SERPINB9: variants seen among roughly 807,000 people sequenced by gnomAD.
The protein encoded by SERPINB9 is serpin B9.
SERPINB9 carries 20 observed loss-of-function variants against 27.2 expected under a neutral mutation model. That is an observed-to-expected ratio of 0.74 (90% CI 0.52 to 1.07). The LOEUF (loss-of-function observed/expected upper bound fraction) is 1.07, where lower values mean the gene tolerates loss of function less well. Ranked by LOEUF, SERPINB9 falls within the 50% of genes least tolerant of loss-of-function variation. SERPINB9 has a pLI of 0.00. For missense variants in SERPINB9, 476 were observed against 460.1 expected (o/e 1.03, Z -0.32); for synonymous variants, 189 against 180.0 (o/e 1.05, Z -0.40).
At position 2,901,956 on chromosome 6, in the gene SERPINB9, C is replaced by G. The variant is rs149594705; in HGVS notation, c.-11+1245G>C. Among the ~76,000 whole-genome samples the G allele has an allele frequency of 3.3e-3, 506 of 152,282 alleles. 3 individuals carry two copies. Among genetic ancestry groups the G allele is most frequent in the Non-Finnish European group, 5.9e-3 (404 of 68,020 alleles). ...CAGCCACCCCCACGCCACAGCCACA[C>G]GGCACCTCAGAAAGCGGTGTCTTAA... is the stretch of plus-strand genomic sequence containing the variant. On this transcript the variant is annotated intron_variant, in intron 1 of 6. Transcript: ENST00000380698.
Position 2,890,344 on chromosome 6 carries a change from T to C in SERPINB9, c.950A>G (p.Lys317Arg). 1 of 1,614,184 alleles carries C rather than the reference T, an allele frequency of 6.2e-7. No homozygotes were observed. Among genetic ancestry groups the C allele is most frequent in the Non-Finnish European group, 8.5e-7 (1 of 1,180,022 alleles). ...TTCTTCATTCACCTCCACAAAACTC[T>C]TGTGCACGAACTTGGACAGACACAG... Reference protein sequence around the residue: ...RDLCLSKFVHKSFVEVNEEGT... With the variant: ...RDLCLSKFVHRSFVEVNEEGT... Residue 317 changes from lysine to arginine, a missense_variant, in exon 7 of 7, where the codon AAG becomes AGG. By Grantham distance (26) the Lys-to-Arg change is conservative (BLOSUM62 2). Coordinates refer to ENST00000380698, the MANE Select transcript of SERPINB9 (RefSeq NM_004155.6). This position sits in a 1 kb window ranked among gnomAD's most constrained non-coding sequence, Gnocchi z 6.2.
chr6:2,890,281 A>T lies in SERPINB9; in HGVS notation c.1013T>A (p.Val338Asp). The T allele has an allele frequency of 6.2e-7, 1 of 1,614,232 alleles. No individual in the cohort carries two copies. The highest frequency in any genetic ancestry group is 8.5e-7 in the Non-Finnish European group (1 of 1,180,042). ...GCCAGATTCCATGCAGCACTCTGCA[A>T]CTACAAAGCAGCTCGACGCTGCCGC... ...EAAAASSCFV[V>D]AECCMESGPR... Residue 338 changes from valine (V) to aspartate (D), a missense_variant, in exon 7 of 7, where the codon GTT (valine) becomes GAT (aspartate). Coordinates refer to ENST00000380698, the MANE Select transcript of SERPINB9 (RefSeq NM_004155.6). This position sits in a 1 kb window ranked among gnomAD's most constrained non-coding sequence, Gnocchi z 6.2.
Position 2,889,450 on chromosome 6 carries a change from C to G in SERPINB9, c.*713G>C, listed in dbSNP as rs1022790584. 6.6e-6 allele frequency: 1 copy of G among 152,016 alleles called. No individual in the cohort carries two copies. Among genetic ancestry groups the G allele is most frequent in the Admixed American group, 6.6e-5 (1 of 15,254 alleles). 9.4% of individuals were successfully genotyped at this position (152,016 alleles called of 1,614,324 possible). A position where few individuals can be genotyped will look rare whatever the true frequency, so the allele number is the denominator to read the frequency against. On this transcript the variant is annotated 3_prime_UTR_variant, in exon 7 of 7. Transcript: ENST00000380698. ...GTGGCTCAAGCCTGTAATCCCAGCA[C>G]TTTGGGAGGCCGAGGCGGGTGGATC...
At chr6:2,899,151 G>C (rs1320775400) in intron 2 of SERPINB9, among the ~76,000 whole-genome samples, 1 of 152,014 alleles carries the variant, frequency 6.6e-6, no homozygotes, top group Non-Finnish European at 1.5e-5. Context: ...TCTCAAAAAA[G>C]CTTTCTATAA....
chr6:2,894,757 TG>T lies in SERPINB9; in HGVS notation c.424+633del, dbSNP rs1403515021. On this transcript the variant is annotated intron_variant, in intron 4 of 6. Coordinates refer to ENST00000380698, the MANE Select transcript of SERPINB9 (RefSeq NM_004155.6). This position sits in a 1 kb window ranked among gnomAD's most constrained non-coding sequence, Gnocchi z 4.7. The stretch of plus-strand genomic sequence containing the variant: ...CCTGGCCTGAGATTCTTTTGACATT[TG>T]TTTTTTTGTTTGTTTTTTGTTTTTG... 1.3e-5 allele frequency among the ~76,000 whole-genome samples: 2 copies of T among 152,196 alleles called. No individual in the cohort carries two copies. The highest frequency in any genetic ancestry group is 2.9e-5 in the Non-Finnish European group (2 of 68,028).
In SERPINB9 at chr6:2,888,043, C is replaced by T. The variant is rs958456736; in HGVS notation, c.*2120G>A. On this transcript the variant is annotated 3_prime_UTR_variant, in exon 7 of 7. Transcript: ENST00000380698. The stretch of plus-strand genomic sequence containing the variant: ...TACTCAGCATTATCTATCAAAGGGA[C>T]TGGATGTCCCATCTAGTTTGTACTT... 3 of 152,044 alleles carry T rather than the reference C, an allele frequency of 2.0e-5. No individual in the cohort carries two copies. The highest frequency in any genetic ancestry group is 2.1e-4 in the South Asian group (1 of 4,824). The allele number at this position is 152,044 out of a possible 1,614,324, so 9.4% of individuals were successfully genotyped here.
chr6:2,902,343 T>G (rs1768234020), intron 1 of SERPINB9, among the ~76,000 whole-genome samples: 2 of 151,840 alleles, frequency 1.3e-5, no homozygotes, highest in South Asian at 2.1e-4. Flanking sequence ...TTGCTGGTGG[T>G]CCCCACAGAC....
Position 2,890,198 on chromosome 6 carries a change from T to C in SERPINB9, c.1096A>G (p.Ser366Gly), listed in dbSNP as rs1271875968. Residue 366 changes from serine (S) to glycine (G), a missense_variant, in exon 7 of 7, where the codon AGC becomes GGC. By Grantham distance (56) the Ser-to-Gly change is moderately conservative (BLOSUM62 0). Transcript: ENST00000380698. The surrounding 1 kb of genome is among the most constrained non-coding windows in gnomAD (Gnocchi z 6.2). ...GAGAACCTGCCACAGAACAGAATGC[T>C]GTTGGCTCTGTTGTGCCTGATGAAG... ...LFFIRHNRAN[S>G]ILFCGRFSSP 5 of 1,614,196 alleles carry C rather than the reference T, an allele frequency of 3.1e-6. No homozygotes were observed. The highest frequency in any genetic ancestry group is 4.2e-6 in the Non-Finnish European group (5 of 1,180,032).
intron 5 of SERPINB9, among the ~76,000 whole-genome samples, chr6:2,892,458 T>C (rs943073425): frequency 6.6e-6 from 1 of 152,194 alleles, no homozygotes; most frequent in African/African-American, 2.4e-5. Context: ...GGATACACTC[T>C]CTCAGAAAGA....
In SERPINB9 at chr6:2,900,427, C is replaced by A. The variant is rs377325053; in HGVS notation, c.168+17G>T. The A allele has an allele frequency of 2.9e-5, 47 of 1,612,252 alleles. No homozygotes were observed. The highest frequency in any genetic ancestry group is 2.4e-4 in the African/African-American group (18 of 74,866). ...AGCCCAGGCCAGTCCCTGCTCCTGG[C>A]GGACGGGCAAGCTTACCTGGGCCAT... On this transcript the variant is annotated intron_variant, in intron 2 of 6. Transcript: ENST00000380698.
chr6:2,901,185 GAC>G (rs1367055003), intron 1 of SERPINB9, among the ~76,000 whole-genome samples: 3 of 152,146 alleles, frequency 2.0e-5, no homozygotes, highest in Non-Finnish European at 4.4e-5. Flanking sequence ...GTGCGTCCTG[GAC>G]AGCCGGGGTG....
intron 2 of SERPINB9, chr6:2,899,961 T>G: frequency 2.2e-6 from 1 of 454,200 alleles, no homozygotes; most frequent in Non-Finnish European, 4.4e-6. Flanking sequence ...ACCTGCACAG[T>G]GTGCAGCTGT....
Position 2,900,717 on chromosome 6 carries a change from T to C in SERPINB9, c.-10-96A>G, listed in dbSNP as rs545771897. Reference sequence around the variant, plus strand: ...GCAATTTTGGAATCGTACTTTTTGTTTTCTTCTTAAAGTTCGTAAGTATTT... The same window carrying C: ...GCAATTTTGGAATCGTACTTTTTGTCTTCTTCTTAAAGTTCGTAAGTATTT... On this transcript the variant is annotated intron_variant, in intron 1 of 6. Transcript: ENST00000380698. 8 of 1,139,124 alleles carry C rather than the reference T, an allele frequency of 7.0e-6. No individual in the cohort carries two copies. In the African/African-American group the frequency reaches 1.2e-4, roughly 18 times the overall value. The allele number at this position is 1,139,124 out of a possible 1,614,324, so 70.6% of individuals were successfully genotyped here. A position where few individuals can be genotyped will look rare whatever the true frequency, so the allele number is the denominator to read the frequency against.
rs5742054 is a variant in SERPINB9, at chr6:2,900,885, T to TCACACACACACACACA, written c.-10-280_-10-265dup. 7.7e-3 allele frequency among the ~76,000 whole-genome samples: 1,083 copies of TCACACACACACACACA among 141,540 alleles called. 14 individuals are homozygous for TCACACACACACACACA. Among genetic ancestry groups the TCACACACACACACACA allele is most frequent in the African/African-American group, 0.024 (849 of 35,830 alleles). The allele number at this position is 141,540 out of a possible 152,430, so 92.9% of individuals were successfully genotyped here. ...TGGCTCGCCTGCAGAGCTCGCTCTC[T>TCACACACACACACACA]CACACACACACACACACACACACAC... is the stretch of plus-strand genomic sequence containing the variant. On this transcript the variant is annotated intron_variant, in intron 1 of 6. Transcript: ENST00000380698.
intron 2 of SERPINB9, among the ~76,000 whole-genome samples, chr6:2,899,291 G>A (rs1768111208): frequency 6.6e-6 from 1 of 152,120 alleles, no homozygotes; most frequent in Non-Finnish European, 1.5e-5. Flanking sequence ...AGACAGGGAA[G>A]GCCATGAAGA....
chr6:2,893,453 A>C lies in SERPINB9; in HGVS notation c.525T>G (p.Phe175Leu), dbSNP rs1439647554. 6.2e-7 allele frequency: 1 copy of C among 1,613,390 alleles called. No individual in the cohort carries two copies. ...IYFKGKWNEP[F>L]DETYTREMPF... ...GCATTTCCCTTGTGTATGTTTCGTC[A>C]AACGGTTCATTCCACTTTCCTTTGA... The change falls in exon 5 of 7, where the codon TTT (phenylalanine) becomes TTG (leucine). Residue 175 changes from phenylalanine to leucine, a missense_variant. Transcript: ENST00000380698.
Position 2,900,493 on chromosome 6 carries a change from G to A in SERPINB9, c.119C>T (p.Ala40Val), listed in dbSNP as rs752625832. The change falls in exon 2 of 7, where the codon GCC (alanine) becomes GTC (valine). Residue 40 changes from alanine to valine, a missense_variant. Transcript: ENST00000380698. ...TCCCTTTGCCCCTAGGAGAACCATG[G>A]CCAGGGCAGAGGAGATGCTCACAGG... ...CSPVSISSAL[A>V]MVLLGAKGNT... 1 of 1,614,174 alleles carries A rather than the reference G, an allele frequency of 6.2e-7. No individual in the cohort carries two copies. The highest frequency in any genetic ancestry group is 1.1e-5 in the South Asian group (1 of 91,076).
intron 2 of SERPINB9, among the ~76,000 whole-genome samples, chr6:2,897,437 G>A (rs944847140): frequency 1.3e-5 from 2 of 152,172 alleles, no homozygotes; most frequent in African/African-American, 2.4e-5. Flanking sequence ...CTGCACTCCA[G>A]CCTGGGCAAC....
Position 2,892,105 on chromosome 6 carries a change from TAAAAAAAAAAAAAAAA to T in SERPINB9, c.568-133_568-118del, listed in dbSNP as rs535487251. 21 of 118,050 alleles carry T rather than the reference TAAAAAAAAAAAAAAAA, an allele frequency of 1.8e-4. 1 individual carries two copies. The highest frequency in any genetic ancestry group is 1.1e-3 in the African/African-American group (14 of 12,992). 7.3% of individuals were successfully genotyped at this position (118,050 alleles called of 1,614,324 possible). On this transcript the variant is annotated intron_variant, in intron 5 of 6. Transcript: ENST00000380698. Reference sequence around the variant, plus strand: ...GCCACATTCATGCCCCAGTTAACACTAAAAAAAAAAAAAAAAAAAAAAAAAAAAAAAGTCAACCAGT... The same window carrying T: ...GCCACATTCATGCCCCAGTTAACACTAAAAAAAAAAAAAAAGTCAACCAGT...
Sources: gnomAD v4.1 joint callset for allele counts (sites outside exome capture counted in the v4.1 genomes callset) on GRCh38, gnomAD v4.1.1 for gene constraint, Gnocchi (gnomAD v3.1) non-coding constraint, MANE v1.5 for transcripts, NCBI Gene and HGNC (gene_info 2026-07-23, HGNC 2026-07-21) for gene names.